The following FTO variants were observed in gnomAD, a reference collection of about 807,000 sequenced individuals.
The protein encoded by FTO is FTO alpha-ketoglutarate dependent dioxygenase.
In FTO, 47 loss-of-function variants were observed where a neutral mutation model predicts 63.9. The ratio of observed to expected loss-of-function variants is 0.74; its 90% CI spans 0.58 to 0.94. The LOEUF is 0.94. Among genes scored for constraint, FTO ranks in the 40% least tolerant of loss-of-function variants. The pLI is 0.00. For synonymous variants in FTO, 207 were observed against 224.4 expected (o/e 0.92, Z 0.69); for missense variants, 562 against 618.1 (o/e 0.91, Z 0.96).
intron 7 of FTO, among the ~76,000 whole-genome samples, chr16:53,931,286 C>CA (rs1283328457): frequency 1.4e-5 from 2 of 146,220 alleles, no homozygotes; most frequent in South Asian, 2.2e-4. Context: ...GATATAACCA[C>CA]AAACTATGTG....
chr16:53,818,893 A>G (rs2078772863), intron 2 of FTO, among the ~76,000 whole-genome samples: 1 of 152,106 alleles, frequency 6.6e-6, no homozygotes, highest in East Asian at 1.9e-4. Context: ...AGTATGATGA[A>G]TATTCTTATA....
upstream of FTO, chr16:53,704,103 TGA>T (rs1971791556): frequency 2.2e-6 from 3 of 1,355,338 alleles, no homozygotes; most frequent in East Asian, 2.5e-5. Flanking sequence ...AGCAGGACGC[TGA>T]GAGAACTACA....
At chr16:53,722,686 G>A (rs1358819441) in intron 1 of FTO, among the ~76,000 whole-genome samples, 1 of 152,020 alleles carries the variant, frequency 6.6e-6, no homozygotes, top group Admixed American at 6.6e-5. Flanking sequence ...AAATTAGCCG[G>A]GTGTGGTGGT....
chr16:53,986,894 T>C (rs1310500583), intron 8 of FTO, among the ~76,000 whole-genome samples: 1 of 152,252 alleles, frequency 6.6e-6, no homozygotes, highest in Non-Finnish European at 1.5e-5. Context: ...TTGATCCTTT[T>C]CATTTAATTC....
chr16:53,975,036 T>C (rs1269348551), intron 8 of FTO, among the ~76,000 whole-genome samples: 9 of 152,056 alleles, frequency 5.9e-5, no homozygotes, highest in Admixed American at 5.9e-4. Context: ...TTTTTATATG[T>C]ATATATATAT....
intron 7 of FTO, among the ~76,000 whole-genome samples, chr16:53,906,645 A>G (rs1222219938): frequency 1.3e-5 from 2 of 152,212 alleles, no homozygotes; most frequent in South Asian, 2.1e-4. Flanking sequence ...TGATTCTTAT[A>G]GAATGGAGAG....
At chr16:53,973,944 A>G (rs2143756148) in intron 8 of FTO, among the ~76,000 whole-genome samples, 1 of 152,328 alleles carries the variant, frequency 6.6e-6, no homozygotes, top group South Asian at 2.1e-4. Context: ...GGGGCGAATG[A>G]TAAGCTCTAG....
chr16:53,778,742 C>T (rs1468074897), intron 1 of FTO, among the ~76,000 whole-genome samples: 3 of 152,046 alleles, frequency 2.0e-5, no homozygotes, highest in Admixed American at 1.3e-4. Flanking sequence ...TTGCTGTTAG[C>T]CCAGGGTCGG....
chr16:53,852,124 A>G (rs1308286861), intron 4 of FTO, among the ~76,000 whole-genome samples: 3 of 149,458 alleles, frequency 2.0e-5, no homozygotes, highest in Non-Finnish European at 4.4e-5. Context: ...AAAAAAAGCC[A>G]GGTAAGCCAG....
chr16:54,111,028 G>A (rs1319891575), intron 8 of FTO, among the ~76,000 whole-genome samples: 1 of 152,100 alleles, frequency 6.6e-6, no homozygotes, highest in Non-Finnish European at 1.5e-5. Context: ...TTTCCTGTGA[G>A]GCTATAATTT....
chr16:54,022,634 A>G (rs2084626417), intron 8 of FTO, among the ~76,000 whole-genome samples: 1 of 152,208 alleles, frequency 6.6e-6, no homozygotes, highest in South Asian at 2.1e-4. Context: ...AGTTTGTTCT[A>G]GTCAGCACTT....
chr16:53,743,856 GT>G (rs2151547940), intron 1 of FTO, among the ~76,000 whole-genome samples: 2 of 152,010 alleles, frequency 1.3e-5, no homozygotes, highest in Middle Eastern at 6.8e-3. Context: ...TTTGCTCCAA[GT>G]TTAATAGAGT....
At chr16:54,102,273 C>T (rs2086657396) in intron 8 of FTO, among the ~76,000 whole-genome samples, 2 of 152,294 alleles carry the variant, frequency 1.3e-5, no homozygotes, top group South Asian at 4.1e-4. Flanking sequence ...ACACCAAAAG[C>T]AATCATAACA....
chr16:53,927,371 A>C (rs1022785803), intron 7 of FTO, among the ~76,000 whole-genome samples: 2 of 152,204 alleles, frequency 1.3e-5, no homozygotes, highest in South Asian at 2.1e-4. Flanking sequence ...CTCTAGGGAA[A>C]TACGGTGGAA....
chr16:53,862,407 T>C (rs2151856617), intron 4 of FTO, among the ~76,000 whole-genome samples: 1 of 152,330 alleles, frequency 6.6e-6, no homozygotes, highest in South Asian at 2.1e-4. Flanking sequence ...GTATTTTATA[T>C]TTAATTTTTT....
chr16:54,077,588 G>C (rs1397719891), intron 8 of FTO, among the ~76,000 whole-genome samples: 1 of 152,160 alleles, frequency 6.6e-6, no homozygotes, highest in Non-Finnish European at 1.5e-5. Context: ...ACGGGCAGCG[G>C]TAGGACAATG....
chr16:53,876,662 C>T (rs572769044), intron 5 of FTO, among the ~76,000 whole-genome samples: 26 of 152,346 alleles, frequency 1.7e-4, no homozygotes, highest in African/African-American at 6.3e-4. Context: ...TGCAGTGGCT[C>T]ATGCCTGTAA....
intron 1 of FTO, among the ~76,000 whole-genome samples, chr16:53,759,744 C>T (rs2077009644): frequency 6.6e-6 from 1 of 151,038 alleles, no homozygotes; most frequent in Non-Finnish European, 1.5e-5. Flanking sequence ...AGGGTCATTT[C>T]CTTGACCTAA....
intron 1 of FTO, among the ~76,000 whole-genome samples, chr16:53,794,495 A>T (rs2151696732): frequency 6.6e-6 from 1 of 152,290 alleles, no homozygotes; most frequent in South Asian, 2.1e-4. Flanking sequence ...GAGTGCTAGG[A>T]CTGAAAGTTT....
Sources: allele counts gnomAD v4.1 joint callset (sites outside exome capture counted in the v4.1 genomes callset), GRCh38; gene constraint gnomAD v4.1.1; transcripts MANE v1.5; gene names NCBI Gene and HGNC (gene_info 2026-07-23, HGNC 2026-07-21).